The following ANKRD44 variants were observed in gnomAD, a reference collection of about 807,000 sequenced individuals.
ANKRD44 encodes ankyrin repeat domain 44, also known as serine/threonine-protein phosphatase 6 regulatory ankyrin repeat subunit B.
Under a neutral mutation model 116.0 loss-of-function variants are expected in ANKRD44, and 35 were observed. The ratio of observed to expected loss-of-function variants is 0.30; its 90% CI spans 0.23 to 0.40. The LOEUF (loss-of-function observed/expected upper bound fraction) is 0.40, where lower values mean the gene tolerates loss of function less well. Among genes scored for constraint, ANKRD44 ranks in the 10% least tolerant of loss-of-function variants. The pLI, the probability that ANKRD44 is intolerant of heterozygous loss-of-function variation, is 1.00. For missense variants in ANKRD44, 1,014 were observed against 1,242.6 expected (o/e 0.82, Z 2.77); for synonymous variants, 435 against 461.8 (o/e 0.94, Z 0.74).
intron 1 of ANKRD44, among the ~76,000 whole-genome samples, chr2:197,287,178 G>A (rs1212902570): frequency 2.0e-5 from 3 of 152,150 alleles, no homozygotes. Context: ...GAGGCTGGTT[G>A]TGGGGACAGG....
At chr2:197,072,173 A>G (rs2077576003) in intron 16 of ANKRD44, among the ~76,000 whole-genome samples, 1 of 152,156 alleles carries the variant, frequency 6.6e-6, no homozygotes, top group African/African-American at 2.4e-5. Context: ...TTTTTGGTTG[A>G]CTTGTAAACT....
intron 8 of ANKRD44, among the ~76,000 whole-genome samples, chr2:197,119,015 T>C (rs1261193335): frequency 2.0e-5 from 3 of 152,204 alleles, no homozygotes; most frequent in Non-Finnish European, 2.9e-5. Flanking sequence ...TTTCTAGTAA[T>C]GATCACTTTT....
At chr2:197,000,388 A>T in intron 23 of ANKRD44, 31 bp downstream of exon 23, 1 of 1,570,108 alleles carries the variant, frequency 6.4e-7, no homozygotes, top group African/African-American at 1.3e-5. Flanking sequence ...AGATTCATCA[A>T]GAAAAAAGCA....
intron 1 of ANKRD44, among the ~76,000 whole-genome samples, chr2:197,204,660 T>C (rs1478639461): frequency 1.3e-5 from 2 of 152,228 alleles, no homozygotes; most frequent in Non-Finnish European, 2.9e-5. Flanking sequence ...TTTTTAAATG[T>C]TGGCAACTTA....
chr2:197,054,753 T>C (rs2077172196), intron 16 of ANKRD44, among the ~76,000 whole-genome samples: 1 of 152,220 alleles, frequency 6.6e-6, no homozygotes, highest in African/African-American at 2.4e-5. Context: ...TGCAGGGTTC[T>C]TTTAGAATAA....
At chr2:197,004,200 A>G (rs1283812404) in intron 21 of ANKRD44, among the ~76,000 whole-genome samples, 1 of 152,220 alleles carries the variant, frequency 6.6e-6, no homozygotes, top group Non-Finnish European at 1.5e-5. Flanking sequence ...GGTTTTGTTC[A>G]TTGACATATT....
intron 16 of ANKRD44, among the ~76,000 whole-genome samples, chr2:197,051,507 C>T (rs1264078303): frequency 6.6e-6 from 1 of 152,244 alleles, no homozygotes; most frequent in African/African-American, 2.4e-5. Context: ...AATCCTCCTG[C>T]TTCAGCCTCC....
chr2:197,027,191 T>C (rs1399517536), intron 16 of ANKRD44, among the ~76,000 whole-genome samples: 2 of 151,856 alleles, frequency 1.3e-5, no homozygotes, highest in Non-Finnish European at 2.9e-5. Flanking sequence ...CGAAACCCCA[T>C]CTTTACCAAA....
At chr2:197,064,569 G>A (rs576643232) in intron 16 of ANKRD44, among the ~76,000 whole-genome samples, 5 of 152,264 alleles carry the variant, frequency 3.3e-5, no homozygotes, top group Non-Finnish European at 7.4e-5. Flanking sequence ...CTCATGTGCA[G>A]AGACACACAC....
intron 8 of ANKRD44, among the ~76,000 whole-genome samples, chr2:197,116,587 C>T (rs2078714868): frequency 6.6e-6 from 1 of 152,202 alleles, no homozygotes; most frequent in Admixed American, 6.5e-5. Flanking sequence ...ACACTCCTTC[C>T]TGTCTCCTCT....
intron 17 of ANKRD44, 60 bp downstream of exon 17, chr2:197,025,136 T>C (rs1363787852): frequency 6.6e-7 from 1 of 1,506,894 alleles, no homozygotes; most frequent in East Asian, 2.3e-5. Context: ...AGCAATCTAG[T>C]TTTAGGAATG....
intron 16 of ANKRD44, among the ~76,000 whole-genome samples, chr2:197,036,720 G>C (rs2076814960): frequency 6.6e-6 from 1 of 152,176 alleles, no homozygotes; most frequent in South Asian, 2.1e-4. Flanking sequence ...CCTGTAGTAT[G>C]TGTAAGGAAA....
In ANKRD44 at chr2:196,989,432, A is replaced by G; in HGVS notation, c.*159T>C. The G allele has an allele frequency of 1.6e-6, 2 of 1,261,994 alleles. No individual in the cohort carries two copies. The highest frequency in any genetic ancestry group is 2.0e-6 in the Non-Finnish European group (2 of 1,000,956). The allele number at this position is 1,261,994 out of a possible 1,614,324, so 78.2% of individuals were successfully genotyped here. ...AAAAGCTACTTCAGTTCTCACTTGC[A>G]TTTTGAAGGAAAAAAATGTGTATCT... On this transcript the variant is annotated 3_prime_UTR_variant, in exon 28 of 28. Coordinates refer to ENST00000282272, the MANE Select transcript of ANKRD44 (RefSeq NM_001195144.2).
chr2:197,228,344 T>C (rs2081769538), intron 1 of ANKRD44, among the ~76,000 whole-genome samples: 1 of 152,202 alleles, frequency 6.6e-6, no homozygotes, highest in African/African-American at 2.4e-5. Context: ...ATAGAAATCA[T>C]TCAAGAGATG....
chr2:197,254,632 T>C (rs140715873), intron 1 of ANKRD44, among the ~76,000 whole-genome samples: 137 of 114,028 alleles, frequency 1.2e-3, no homozygotes, highest in African/African-American at 3.4e-3. Context: ...CACACACACA[T>C]ATATATATTT....
intron 21 of ANKRD44, among the ~76,000 whole-genome samples, chr2:196,969,139 C>G (rs2075696505): frequency 6.6e-6 from 1 of 152,152 alleles, no homozygotes; most frequent in Non-Finnish European, 1.5e-5. Context: ...AAACCTAGGA[C>G]CCACATGGCT....
chr2:196,975,737 G>A (rs1444470258), intron 21 of ANKRD44, among the ~76,000 whole-genome samples: 6 of 149,010 alleles, frequency 4.0e-5, no homozygotes, highest in Admixed American at 1.3e-4. Context: ...GCAGGGAGCC[G>A]AGATTGTGCA....
At chr2:197,272,361 C>CT (rs1257985431) in intron 1 of ANKRD44, among the ~76,000 whole-genome samples, 6 of 152,170 alleles carry the variant, frequency 3.9e-5, no homozygotes, top group Non-Finnish European at 8.8e-5. Context: ...CCTCAGCCTC[C>CT]TAAGTAGCTG....
At chr2:197,293,057 A>G (rs2083616097) in intron 1 of ANKRD44, among the ~76,000 whole-genome samples, 3 of 152,184 alleles carry the variant, frequency 2.0e-5, no homozygotes, top group African/African-American at 4.8e-5. Context: ...CCAAACAAAT[A>G]TTAGCAATAT....
Sources: allele counts gnomAD v4.1 joint callset (sites outside exome capture counted in the v4.1 genomes callset), GRCh38; gene constraint gnomAD v4.1.1; transcripts MANE v1.5; gene names NCBI Gene and HGNC (gene_info 2026-07-23, HGNC 2026-07-21).